FGF13: variants seen among roughly 807,000 people sequenced by gnomAD.
FGF13 encodes the protein fibroblast growth factor homologous factor 2.
FGF13 carries 2 observed loss-of-function variants against 19.5 expected under a neutral mutation model. The ratio of observed to expected loss-of-function variants is 0.10; its 90% CI spans 0.04 to 0.32. FGF13 has a LOEUF of 0.32. Ranked by LOEUF, FGF13 falls within the 10% of genes least tolerant of loss-of-function variation. The pLI is 1.00. For synonymous variants in FGF13, 72 were observed against 76.9 expected (o/e 0.94, Z 0.33); for missense variants, 113 against 192.7 (o/e 0.59, Z 2.45).
Position 138,632,606 on chromosome X carries a change from A to G in FGF13, c.*244T>C, listed in dbSNP as rs1446498226. The G allele has an allele frequency of 2.2e-5, 6 of 274,098 alleles. No individual in the cohort carries two copies. The highest frequency in any genetic ancestry group is 1.6e-4 in the African/African-American group (6 of 37,355). The allele number at this position is 274,098 out of a possible 1,213,427, so 22.6% of individuals were successfully genotyped here. ...AGGTGAGATCATGAGAAAATTTGGC[A>G]GTCCTTCTCTCAGATTTAGTTCACT... On this transcript the variant is annotated 3_prime_UTR_variant, in exon 5 of 5. Coordinates refer to ENST00000315930, the MANE Select transcript of FGF13 (RefSeq NM_004114.5).
upstream of FGF13, among the ~76,000 whole-genome samples, chrX:138,714,553 G>A (rs943520617): frequency 9.0e-6 from 1 of 111,363 alleles, no homozygotes; most frequent in African/African-American, 3.3e-5. Flanking sequence ...CCTGAGGCAT[G>A]AGAATCGCTT....
intron 3 of FGF13, among the ~76,000 whole-genome samples, chrX:138,846,817 G>T (rs921797054): frequency 8.9e-6 from 1 of 112,057 alleles, no homozygotes; most frequent in East Asian, 2.8e-4. Flanking sequence ...CAGATCTATT[G>T]CATTCAAATC....
chrX:138,869,911 G>T (rs1569415082), intron 1 of FGF13, among the ~76,000 whole-genome samples: 2 of 111,759 alleles, frequency 1.8e-5, no homozygotes. Context: ...AATATATTGT[G>T]CCAGGTTAGA....
chrX:138,862,177 G>C (rs1311003693), intron 2 of FGF13, among the ~76,000 whole-genome samples: 1 of 111,852 alleles, frequency 8.9e-6, no homozygotes, highest in Admixed American at 9.5e-5. Flanking sequence ...AAACTGTTTT[G>C]ACAATGCCAC....
At chrX:139,022,691 TACTTTATCAGGG>T (rs1246063383) in intron 1 of FGF13, among the ~76,000 whole-genome samples, 2 of 110,990 alleles carry the variant, frequency 1.8e-5, no homozygotes, top group Non-Finnish European at 3.8e-5. Flanking sequence ...CCAAAGTTGC[TACTTTATCAGGG>T]AGACCAATTC....
intron 1 of FGF13, among the ~76,000 whole-genome samples, chrX:139,182,113 G>A (rs1171490089): frequency 1.8e-5 from 2 of 111,582 alleles, no homozygotes; most frequent in African/African-American, 6.5e-5. Flanking sequence ...ACTATTATAT[G>A]TGTTGTATAT....
At chrX:138,654,022 A>T (rs1372174019) in intron 3 of FGF13, among the ~76,000 whole-genome samples, 2 of 112,036 alleles carry the variant, frequency 1.8e-5, no homozygotes, top group African/African-American at 3.3e-5. Flanking sequence ...GAATTTGCAT[A>T]CTGGTTGAGT....
At chrX:138,841,186 T>C (rs1468090561) in intron 3 of FGF13, among the ~76,000 whole-genome samples, 2 of 111,334 alleles carry the variant, frequency 1.8e-5, no homozygotes, top group African/African-American at 6.5e-5. Flanking sequence ...AAATGTTACT[T>C]TTCCTTCTCC....
intron 1 of FGF13, among the ~76,000 whole-genome samples, chrX:138,867,236 C>T (rs938056862): frequency 9.1e-6 from 1 of 110,423 alleles, no homozygotes; most frequent in Admixed American, 9.7e-5. Context: ...AGTGAGACCA[C>T]ATCTCTACAA....
intron 1 of FGF13, among the ~76,000 whole-genome samples, chrX:139,008,584 G>C (rs760180643): frequency 1.1e-3 from 120 of 112,019 alleles, no homozygotes; most frequent in South Asian, 4.1e-3. Context: ...TGGGTGGCTA[G>C]ACCCAGAAAG....
intron 3 of FGF13, among the ~76,000 whole-genome samples, chrX:138,802,330 C>T (rs1401424215): frequency 1.8e-5 from 2 of 110,947 alleles, no homozygotes; most frequent in African/African-American, 6.6e-5. Flanking sequence ...CTCACGGCTT[C>T]CCTTGGCTGG....
intron 1 of FGF13, among the ~76,000 whole-genome samples, chrX:139,099,792 AT>A (rs34750863): frequency 9.0e-6 from 1 of 111,508 alleles, no homozygotes; most frequent in Non-Finnish European, 1.9e-5. Flanking sequence ...TTCAGAGAGA[AT>A]TTTTTTAATT....
intron 1 of FGF13, among the ~76,000 whole-genome samples, chrX:139,190,650 A>T (rs1166851054): frequency 8.9e-6 from 1 of 112,269 alleles, no homozygotes; most frequent in East Asian, 2.8e-4. Context: ...GGATCTGTGG[A>T]GCATGGTGAT....
intron 1 of FGF13, among the ~76,000 whole-genome samples, chrX:138,892,532 G>A (rs2091483068): frequency 9.0e-6 from 1 of 111,427 alleles, no homozygotes; most frequent in Non-Finnish European, 1.9e-5. Context: ...GTTTTTTGCA[G>A]GAGGTAAGGG....
intron 1 of FGF13, among the ~76,000 whole-genome samples, chrX:139,089,918 G>A (rs892097073): frequency 2.7e-5 from 3 of 110,772 alleles, no homozygotes; most frequent in African/African-American, 3.3e-5. Flanking sequence ...AACTCACTGC[G>A]GCCTTGAACT....
chrX:138,981,416 C>T (rs1304732922), intron 1 of FGF13, among the ~76,000 whole-genome samples: 1 of 110,705 alleles, frequency 9.0e-6, no homozygotes, highest in African/African-American at 3.3e-5. Context: ...AGAATCAGGG[C>T]TCTATATGCC....
At chrX:138,911,254 C>T (rs2091586060) in intron 1 of FGF13, among the ~76,000 whole-genome samples, 1 of 111,649 alleles carries the variant, frequency 9.0e-6, no homozygotes, top group South Asian at 3.8e-4. Flanking sequence ...AGTGAGAATG[C>T]CTGTGTCTGG....
chrX:139,136,301 C>A (rs1314995686), intron 1 of FGF13, among the ~76,000 whole-genome samples: 1 of 111,165 alleles, frequency 9.0e-6, no homozygotes, highest in East Asian at 2.8e-4. Context: ...GCACCTGTCA[C>A]CTGAGTAGTG....
chrX:138,809,166 C>G (rs944134423), intron 3 of FGF13, among the ~76,000 whole-genome samples: 1 of 111,772 alleles, frequency 8.9e-6, no homozygotes, highest in Non-Finnish European at 1.9e-5. Context: ...AGACCAATAT[C>G]CCTGATGAAC....
Sources: gnomAD v4.1 joint callset for allele counts (sites outside exome capture counted in the v4.1 genomes callset) on GRCh38, gnomAD v4.1.1 for gene constraint, MANE v1.5 for transcripts, NCBI Gene and HGNC (gene_info 2026-07-23, HGNC 2026-07-21) for gene names.